The following KCNQ3 variants were observed in gnomAD, a reference collection of about 807,000 sequenced individuals.
KCNQ3 encodes the protein potassium voltage-gated channel subfamily KQT member 3.
KCNQ3 carries 30 observed loss-of-function variants against 92.5 expected under a neutral mutation model. The ratio of observed to expected loss-of-function variants is 0.32; its 90% CI spans 0.24 to 0.44. The LOEUF (loss-of-function observed/expected upper bound fraction) is 0.44, where lower values mean the gene tolerates loss of function less well. Ranked by LOEUF, KCNQ3 falls within the 20% of genes least tolerant of loss-of-function variation. The pLI, the probability that KCNQ3 is intolerant of heterozygous loss-of-function variation, is 1.00. For synonymous variants in KCNQ3, 450 were observed against 468.8 expected (o/e 0.96, Z 0.52); for missense variants, 913 against 1,140.3 (o/e 0.80, Z 2.87).
intron 1 of KCNQ3, among the ~76,000 whole-genome samples, chr8:132,231,587 G>A (rs1232322359): frequency 6.6e-6 from 1 of 152,086 alleles, no homozygotes; most frequent in East Asian, 1.9e-4. Context: ...CAGAAGAAAG[G>A]GTATATGAGA....
intron 1 of KCNQ3, among the ~76,000 whole-genome samples, chr8:132,212,059 C>T (rs1234203050): frequency 2.6e-5 from 4 of 152,110 alleles, no homozygotes; most frequent in Non-Finnish European, 5.9e-5. Flanking sequence ...ACCCTGACCC[C>T]CTGGGCTTAG....
chr8:132,447,206 G>T lies in KCNQ3; in HGVS notation c.386+32941C>A, dbSNP rs773778860. ...ATGAGAATCCAAAGACTTACATCGT[G>T]GCGTGTTCTGCAGGCTTCATAAGGT... On this transcript the variant is annotated intron_variant, in intron 1 of 14. Transcript: ENST00000388996. 14 of 1,535,226 alleles carry T rather than the reference G, an allele frequency of 9.1e-6. No individual in the cohort carries two copies. In the South Asian group the frequency reaches 1.7e-4, roughly 18 times the overall value.
At chr8:132,134,642 G>A (rs943976261) in intron 12 of KCNQ3, among the ~76,000 whole-genome samples, 6 of 151,792 alleles carry the variant, frequency 4.0e-5, no homozygotes, top group South Asian at 2.1e-4. Context: ...CTATAACCTC[G>A]GTATATTCTT....
intron 1 of KCNQ3, among the ~76,000 whole-genome samples, chr8:132,265,731 A>C (rs1371532940): frequency 1.3e-5 from 2 of 152,226 alleles, no homozygotes; most frequent in Non-Finnish European, 2.9e-5. Flanking sequence ...CTCATATAGA[A>C]CTAAGCTCAT....
chr8:132,297,275 T>C (rs967560668), intron 1 of KCNQ3, among the ~76,000 whole-genome samples: 1 of 152,176 alleles, frequency 6.6e-6, no homozygotes, highest in Non-Finnish European at 1.5e-5. Context: ...GAGTTCATTG[T>C]AGATTCTGGA....
intron 1 of KCNQ3, among the ~76,000 whole-genome samples, chr8:132,327,306 C>CT (rs1818088237): frequency 6.6e-6 from 1 of 152,102 alleles, no homozygotes; most frequent in Non-Finnish European, 1.5e-5. Flanking sequence ...ACTCTAAAAC[C>CT]TTTTTTGCCT....
chr8:132,137,285 C>T (rs1825133473), intron 12 of KCNQ3, among the ~76,000 whole-genome samples: 1 of 152,088 alleles, frequency 6.6e-6, no homozygotes, highest in Non-Finnish European at 1.5e-5. Context: ...TCAGTTGGAG[C>T]TGGTTTGATT....
chr8:132,479,651 ACACACG>A (rs1409115364), intron 1 of KCNQ3, among the ~76,000 whole-genome samples: 1 of 139,342 alleles, frequency 7.2e-6, no homozygotes, highest in Non-Finnish European at 1.6e-5. Flanking sequence ...ACACACACAC[ACACACG>A]CTCCCCACTA....
intron 9 of KCNQ3, among the ~76,000 whole-genome samples, chr8:132,160,164 T>A (rs1825940789): frequency 6.6e-6 from 1 of 152,232 alleles, no homozygotes; most frequent in African/African-American, 2.4e-5. Context: ...CTACATAAAA[T>A]GTGAGATAAG....
At chr8:132,346,905 G>T (rs947294052) in intron 1 of KCNQ3, among the ~76,000 whole-genome samples, 5 of 152,222 alleles carry the variant, frequency 3.3e-5, no homozygotes, top group African/African-American at 1.2e-4. Context: ...AGCTTCTGGA[G>T]ACACTAGGGA....
intron 9 of KCNQ3, 52 bp downstream of exon 9, chr8:132,163,416 C>T: frequency 6.6e-7 from 1 of 1,505,976 alleles, no homozygotes; most frequent in South Asian, 1.1e-5. Flanking sequence ...GAGCAGGATG[C>T]TCTGTCTTGA....
At chr8:132,156,497 G>C (rs898863712) in intron 9 of KCNQ3, among the ~76,000 whole-genome samples, 1 of 152,070 alleles carries the variant, frequency 6.6e-6, no homozygotes, top group African/African-American at 2.4e-5. Flanking sequence ...CATAGATCTG[G>C]AGGGATCCAG....
intron 1 of KCNQ3, among the ~76,000 whole-genome samples, chr8:132,387,836 A>G (rs1417943622): frequency 6.6e-6 from 1 of 152,024 alleles, no homozygotes; most frequent in Non-Finnish European, 1.5e-5. Context: ...TCCCATCTCT[A>G]CAAAAAAAAT....
chr8:132,170,579 C>T, intron 7 of KCNQ3, 151 bp from the exon 8 acceptor site: 3 of 642,196 alleles, frequency 4.7e-6, no homozygotes, highest in South Asian at 3.7e-5. Flanking sequence ...AGATTCTTGG[C>T]TTTTTGAAGC....
intron 1 of KCNQ3, among the ~76,000 whole-genome samples, chr8:132,241,047 C>T (rs527264581): frequency 2.3e-4 from 35 of 152,064 alleles, no homozygotes; most frequent in African/African-American, 8.2e-4. Flanking sequence ...CGCCACCATG[C>T]CTGGCTAATT....
intron 9 of KCNQ3, among the ~76,000 whole-genome samples, chr8:132,144,585 T>C (rs1421596076): frequency 6.6e-6 from 1 of 152,128 alleles, no homozygotes; most frequent in Non-Finnish European, 1.5e-5. Context: ...AAACTGCAAA[T>C]AGGTGGACTG....
intron 1 of KCNQ3, among the ~76,000 whole-genome samples, chr8:132,303,635 G>A (rs1405930601): frequency 2.0e-5 from 1 of 50,260 alleles, no homozygotes; most frequent in Non-Finnish European, 3.6e-5. Flanking sequence ...TATATATGGT[G>A]TATATATATA....
At chr8:132,317,292 TCC>T (rs1456961752) in intron 1 of KCNQ3, among the ~76,000 whole-genome samples, 2 of 152,142 alleles carry the variant, frequency 1.3e-5, no homozygotes, top group Admixed American at 6.6e-5. Flanking sequence ...CCTCTACTAC[TCC>T]CCAGTGGTCA....
At chr8:132,427,642 G>A (rs1587009437) in intron 1 of KCNQ3, among the ~76,000 whole-genome samples, 1 of 152,202 alleles carries the variant, frequency 6.6e-6, no homozygotes, top group Non-Finnish European at 1.5e-5. Context: ...CCTGGGATCT[G>A]GGCAGCAAAA....
Sources: allele counts gnomAD v4.1 joint callset (sites outside exome capture counted in the v4.1 genomes callset), GRCh38; gene constraint gnomAD v4.1.1; transcripts MANE v1.5; gene names NCBI Gene and HGNC (gene_info 2026-07-23, HGNC 2026-07-21).